The following PRKAR1A variants were observed in gnomAD, a reference collection of about 807,000 sequenced individuals.
PRKAR1A encodes the protein cAMP-dependent protein kinase type I-alpha regulatory subunit.
In PRKAR1A, 3 loss-of-function variants were observed where a neutral mutation model predicts 52.0. The ratio of observed to expected loss-of-function variants is 0.06; its 90% CI spans 0.03 to 0.15. The LOEUF is 0.15. Among genes scored for constraint, PRKAR1A ranks in the 10% least tolerant of loss-of-function variants. The pLI is 1.00. For synonymous variants in PRKAR1A, 188 were observed against 168.4 expected, an observed-to-expected ratio of 1.12 and a Z score of -0.90; for missense variants, 240 against 477.4, an observed-to-expected ratio of 0.50 and a Z score of 4.63.
At chr17:68,420,303 C>T in the PRKAR1A span, 10 of 1,613,942 alleles carry the variant, frequency 6.2e-6, no homozygotes, top group Admixed American at 5.0e-5. Flanking sequence ...AGAGGTGGTG[C>T]GGAGTACCAG....
chr17:68,527,569 A>G (rs961421919), intron 7 of PRKAR1A: 5 of 417,856 alleles, frequency 1.2e-5, no homozygotes, highest in South Asian at 9.1e-5. Context: ...AAGTTGGGAA[A>G]TGCTTTGTGA....
the PRKAR1A span, chr17:68,435,644 G>A: frequency 6.2e-7 from 1 of 1,614,184 alleles, no homozygotes; most frequent in Non-Finnish European, 8.5e-7. Flanking sequence ...TTGCTAGTTT[G>A]GAGCCTGAGG....
chr17:68,499,840 G>A, the PRKAR1A span, among the ~76,000 whole-genome samples: 1 of 152,208 alleles, frequency 6.6e-6, no homozygotes, highest in Admixed American at 6.5e-5. Flanking sequence ...GTTGGTCAAA[G>A]TATGGCCAGC....
the PRKAR1A span, among the ~76,000 whole-genome samples, chr17:68,502,810 T>C: frequency 6.6e-6 from 1 of 150,536 alleles, no homozygotes; most frequent in African/African-American, 2.4e-5. Context: ...GAGCTAAAGT[T>C]GAGTAAATTC....
rs146230912 is a variant in PRKAR1A, at chr17:68,542,651, C to T, written c.974-8433C>T. 1.6e-4 allele frequency: 230 copies of T among 1,482,484 alleles called. No individual in the cohort carries two copies. The African/African-American group carries it at 2.6e-3, about 17-fold the overall frequency. The allele number at this position is 1,482,484 out of a possible 1,614,324, so 91.8% of individuals were successfully genotyped here. A position where few individuals can be genotyped will look rare whatever the true frequency, so the allele number is the denominator to read the frequency against. ...ATGGAGGGGTGGACACTCTGGCTTA[C>T]GATCTACTCAGACCCGGAATATCAC... On this transcript the variant is annotated intron_variant, in intron 11 of 11. Coordinates refer to the PRKAR1A transcript ENST00000585981.
the PRKAR1A span, among the ~76,000 whole-genome samples, chr17:68,448,138 C>A: frequency 6.6e-6 from 1 of 152,102 alleles, no homozygotes; most frequent in Non-Finnish European, 1.5e-5. Flanking sequence ...TAGAACAGGA[C>A]ACACTCCCCT....
chr17:68,512,125 A>T (rs1318337811), upstream of PRKAR1A: 3 of 153,960 alleles, frequency 1.9e-5, no homozygotes, highest in Admixed American at 6.5e-5. Context: ...GCGACCCAAG[A>T]CACCCAGAGA....
At chr17:68,485,109 G>T in the PRKAR1A span, among the ~76,000 whole-genome samples, 1 of 152,212 alleles carries the variant, frequency 6.6e-6, no homozygotes, top group African/African-American at 2.4e-5. Flanking sequence ...ACTGTGGGCT[G>T]CCTTTCTGCT....
chr17:68,502,755 GAAAAAAAAA>G, the PRKAR1A span, among the ~76,000 whole-genome samples: 5 of 86,310 alleles, frequency 5.8e-5, no homozygotes, highest in East Asian at 3.9e-4. Flanking sequence ...TTCATCTCAG[GAAAAAAAAA>G]AAAAAAAAAA....
At chr17:68,426,026 T>C in the PRKAR1A span, 1 of 1,516,304 alleles carries the variant, frequency 6.6e-7, no homozygotes. Flanking sequence ...GAAGGTTTCC[T>C]TCTAAGCACA....
chr17:68,516,156 G>T (rs531118547), intron 2 of PRKAR1A, among the ~76,000 whole-genome samples: 4 of 151,744 alleles, frequency 2.6e-5, no homozygotes, highest in Non-Finnish European at 4.4e-5. Flanking sequence ...GACTTGTTGC[G>T]CCTTGAAAAA....
At chr17:68,516,858 A>T (rs955380227) in intron 2 of PRKAR1A, among the ~76,000 whole-genome samples, 1 of 152,216 alleles carries the variant, frequency 6.6e-6, no homozygotes, top group African/African-American at 2.4e-5. Flanking sequence ...CAGGTCATAG[A>T]TGTAGCTTGT....
At chr17:68,424,348 C>CA in the PRKAR1A span, 1 of 490,524 alleles carries the variant, frequency 2.0e-6, no homozygotes, top group Non-Finnish European at 4.2e-6. Context: ...GCCCTGCATG[C>CA]AGGGCCCCAC....
At chr17:68,541,062 C>T (rs774814715) in intron 11 of PRKAR1A, 2 of 1,513,268 alleles carry the variant, frequency 1.3e-6, no homozygotes, top group Non-Finnish European at 1.8e-6. Flanking sequence ...CTCCCTGATC[C>T]TGCCCTGGGC....
intron 11 of PRKAR1A, chr17:68,542,862 G>A: frequency 7.1e-7 from 1 of 1,416,078 alleles, no homozygotes; most frequent in Non-Finnish European, 1.0e-6. Context: ...GAGTGAGGAG[G>A]AGGGGTTTTG....
chr17:68,549,283 T>C (rs539263787), intron 11 of PRKAR1A, among the ~76,000 whole-genome samples: 1 of 152,170 alleles, frequency 6.6e-6, no homozygotes, highest in African/African-American at 2.4e-5. Context: ...TCGCCTGAGG[T>C]CAGGAGTTCA....
chr17:68,476,564 G>A, the PRKAR1A span, among the ~76,000 whole-genome samples: 2 of 151,924 alleles, frequency 1.3e-5, no homozygotes, highest in Non-Finnish European at 2.9e-5. Flanking sequence ...AGTCCTTCTG[G>A]AATTTGTCTG....
the PRKAR1A span, chr17:68,450,993 A>G: frequency 6.7e-7 from 1 of 1,481,666 alleles, no homozygotes; most frequent in South Asian, 1.4e-5. Flanking sequence ...GCCAGGTTCC[A>G]AAGGTTCTCC....
the PRKAR1A span, among the ~76,000 whole-genome samples, chr17:68,469,155 C>T: frequency 6.6e-6 from 1 of 152,074 alleles, no homozygotes; most frequent in Non-Finnish European, 1.5e-5. Context: ...AGAGATTTAT[C>T]CCACACCAAA....
Sources: allele counts gnomAD v4.1 joint callset (sites outside exome capture counted in the v4.1 genomes callset), GRCh38; gene constraint gnomAD v4.1.1; transcripts MANE v1.5; gene names NCBI Gene and HGNC (gene_info 2026-07-23, HGNC 2026-07-21).